The following CCNYL1 variants were observed in gnomAD, a reference collection of about 807,000 sequenced individuals.
CCNYL1 encodes cyclin-Y-like protein 1.
A neutral mutation model predicts 44.2 loss-of-function variants in CCNYL1; 16 were observed. That is an observed-to-expected ratio of 0.36 (90% CI 0.25 to 0.55). The LOEUF is 0.55. CCNYL1 is among the 20% of genes least tolerant of loss of function. The probability of loss-of-function intolerance (pLI) is 0.85; values close to 1 mark genes in which losing one functional copy is unlikely to be tolerated. For missense variants in CCNYL1, 348 were observed against 451.8 expected (o/e 0.77, Z 2.08); for synonymous variants, 159 against 163.2 (o/e 0.97, Z 0.20).
In CCNYL1 at chr2:207,753,976, T is replaced by C. The variant is rs2091913380; in HGVS notation, c.*278T>C. On this transcript the variant is annotated 3_prime_UTR_variant, in exon 10 of 10. Coordinates refer to ENST00000295414, the MANE Select transcript of CCNYL1 (RefSeq NM_001330218.2). Reference sequence around the variant, plus strand: ...ATCCTACACACAGATATTTGCTTACTGTGTGGGCCGATAGCTGTGAACTAT... The same window carrying C: ...ATCCTACACACAGATATTTGCTTACCGTGTGGGCCGATAGCTGTGAACTAT... 1 of 312,642 alleles carries C rather than the reference T, an allele frequency of 3.2e-6. No individual in the cohort carries two copies. 19.4% of individuals were successfully genotyped at this position (312,642 alleles called of 1,614,324 possible).
intron 1 of CCNYL1, chr2:207,714,799 C>T (rs1294793791): frequency 6.5e-6 from 1 of 154,468 alleles, no homozygotes; most frequent in East Asian, 1.9e-4. Flanking sequence ...TTGTGGCATT[C>T]AATAAAGTGA....
rs1372289476 is a variant in CCNYL1, at chr2:207,755,568, T to G, written c.*1870T>G. The G allele has an allele frequency of 6.6e-6, 1 of 152,240 alleles. No individual in the cohort carries two copies. The highest frequency in any genetic ancestry group is 2.4e-5 in the African/African-American group (1 of 41,476). The allele number at this position is 152,240 out of a possible 1,614,324, so 9.4% of individuals were successfully genotyped here. A position where few individuals can be genotyped will look rare whatever the true frequency, so the allele number is the denominator to read the frequency against. On this transcript the variant is annotated 3_prime_UTR_variant, in exon 10 of 10. Coordinates refer to ENST00000295414, the MANE Select transcript of CCNYL1 (RefSeq NM_001330218.2). ...TATATGCTTTGATTACCGCAGTTTC[T>G]TTAAAGGAAGATTTTGAAGAGCAGT...
At chr2:207,723,678 C>T (rs1347133257) in intron 1 of CCNYL1, among the ~76,000 whole-genome samples, 5 of 151,882 alleles carry the variant, frequency 3.3e-5, no homozygotes, top group Non-Finnish European at 7.4e-5. Flanking sequence ...GAGTTTGAGA[C>T]GAGCCTGGCC....
chr2:207,737,518 C>G, intron 5 of CCNYL1, 72 bp downstream of exon 5: 1 of 1,230,426 alleles, frequency 8.1e-7, no homozygotes, highest in Non-Finnish European at 1.2e-6. Context: ...AGTATTAGGT[C>G]ATAACTATAG....
At chr2:207,717,252 G>T (rs2091604206) in intron 1 of CCNYL1, among the ~76,000 whole-genome samples, 1 of 152,032 alleles carries the variant, frequency 6.6e-6, no homozygotes, top group South Asian at 2.1e-4. Context: ...CACTTTAAAA[G>T]ATTTGATGCT....
At chr2:207,714,500 T>A (rs760879503) in intron 1 of CCNYL1, 1 of 313,794 alleles carries the variant, frequency 3.2e-6, no homozygotes, top group Non-Finnish European at 6.2e-6. Flanking sequence ...TGGATAAGAA[T>A]AAAAGTAGAG....
intron 1 of CCNYL1, among the ~76,000 whole-genome samples, chr2:207,717,025 T>G (rs934565530): frequency 1.4e-4 from 21 of 149,458 alleles, no homozygotes; most frequent in African/African-American, 5.0e-4. Flanking sequence ...AGGAGAATGG[T>G]GTGAACCCAG....
chr2:207,753,045 A>T (rs907715841), intron 9 of CCNYL1, among the ~76,000 whole-genome samples: 1 of 152,014 alleles, frequency 6.6e-6, no homozygotes, highest in African/African-American at 2.4e-5. Flanking sequence ...AAAAAGAAAA[A>T]AATAATAATA....
intron 1 of CCNYL1, among the ~76,000 whole-genome samples, chr2:207,719,868 A>G (rs2091626630): frequency 6.6e-6 from 1 of 152,018 alleles, no homozygotes; most frequent in African/African-American, 2.4e-5. Context: ...AGCTGGGACT[A>G]AGAGTTTTCC....
chr2:207,711,944 G>C lies in CCNYL1; in HGVS notation c.48G>C (p.Lys16Asn). 1 of 1,401,018 alleles carries C rather than the reference G, an allele frequency of 7.1e-7. No homozygotes were observed. The highest frequency in any genetic ancestry group is 1.6e-5 in the South Asian group (1 of 64,502). 86.8% of individuals were successfully genotyped at this position (1,401,018 alleles called of 1,614,324 possible). Residue 16 changes from lysine to asparagine, a missense_variant, in exon 1 of 10, where the codon AAG (lysine) becomes AAC (asparagine). Physicochemically the swap from Lys to Asn is moderately conservative, Grantham distance 94. Transcript: ENST00000295414. Reference sequence around the variant, plus strand: ...GCGTGTCCCCCAATGCCAGCCCCAAGCTGGGCCGGCGCGCGGGGTCGGCGG... The same window carrying C: ...GCGTGTCCCCCAATGCCAGCCCCAACCTGGGCCGGCGCGCGGGGTCGGCGG... ...TCCVSPNASP[K>N]LGRRAGSAEL...
chr2:207,720,298 C>G (rs559011072), intron 1 of CCNYL1, among the ~76,000 whole-genome samples: 5 of 151,480 alleles, frequency 3.3e-5, no homozygotes, highest in African/African-American at 1.2e-4. Context: ...TTGGATACTG[C>G]CTTTTTTCCA....
intron 8 of CCNYL1, among the ~76,000 whole-genome samples, chr2:207,747,487 T>A (rs1428214293): frequency 6.8e-6 from 1 of 147,370 alleles, no homozygotes; most frequent in African/African-American, 2.6e-5. Context: ...TTTGGGTGGT[T>A]TTTGGCAAAA....
intron 7 of CCNYL1, 72 bp from the exon 8 acceptor site, chr2:207,746,975 C>CA (rs74269714): frequency 0.093 from 91,182 of 979,210 alleles, 224 homozygotes; most frequent in African/African-American, 0.16. Flanking sequence ...AACTCCGTCT[C>CA]AAAAAAAAAA....
chr2:207,712,020 G>C lies in CCNYL1; in HGVS notation c.124G>C (p.Ala42Pro). The C allele has an allele frequency of 1.3e-6, 2 of 1,494,334 alleles. No individual in the cohort carries two copies. The highest frequency in any genetic ancestry group is 1.8e-6 in the Non-Finnish European group (2 of 1,121,472). 92.6% of individuals were successfully genotyped at this position (1,494,334 alleles called of 1,614,324 possible). Residue 42 changes from alanine (A) to proline (P), a missense_variant, in exon 1 of 10, where the codon GCG becomes CCG. Physicochemically the swap from Ala to Pro is conservative, Grantham distance 27. This residue lies in a region of CCNYL1 where 209 missense variants were observed against 247.7 expected (regional missense o/e 0.84). Transcript: ENST00000295414. ...CGAGGCGGTGTCCGGGGACGCGGTG[G>C]CGGTAGCGCCCGCTGTGGTGGAGCC... The part of the protein sequence containing the change: ...IYEAVSGDAV[A>P]VAPAVVEPAE...
intron 9 of CCNYL1, among the ~76,000 whole-genome samples, 162 bp from the exon 10 acceptor site, chr2:207,753,426 A>T (rs1430824139): frequency 6.6e-6 from 1 of 152,248 alleles, no homozygotes; most frequent in Non-Finnish European, 1.5e-5. Flanking sequence ...ACTGTCAGGA[A>T]GTAGTGTCCC....
chr2:207,743,546 T>C (rs1195408854), intron 7 of CCNYL1, among the ~76,000 whole-genome samples: 1 of 152,124 alleles, frequency 6.6e-6, no homozygotes, highest in African/African-American at 2.4e-5. Flanking sequence ...GTGCAGTAGT[T>C]TGAGTCCAGC....
At chr2:207,751,967 G>A (rs13400367) in intron 9 of CCNYL1, among the ~76,000 whole-genome samples, 23,457 of 151,786 alleles carry the variant, frequency 0.15, 2,961 homozygotes, top group East Asian at 0.38. Context: ...CCTGGGAGGC[G>A]GAGGTTGCAG....
chr2:207,732,694 C>G (rs908312479), intron 3 of CCNYL1, among the ~76,000 whole-genome samples: 24 of 141,442 alleles, frequency 1.7e-4, no homozygotes, highest in Non-Finnish European at 3.6e-4. Flanking sequence ...GGTTACTGAC[C>G]TTCTTAACAT....
At chr2:207,751,145 G>A in intron 9 of CCNYL1, 26 bp downstream of exon 9, 1 of 1,593,570 alleles carries the variant, frequency 6.3e-7, no homozygotes. Flanking sequence ...CACTAAGTGA[G>A]GTTTTCCATC....
Sources: gnomAD v4.1 joint callset for allele counts (sites outside exome capture counted in the v4.1 genomes callset) on GRCh38, gnomAD v4.1.1 for gene constraint, gnomAD v4.1.1 regional missense constraint, MANE v1.5 for transcripts, NCBI Gene and HGNC (gene_info 2026-07-23, HGNC 2026-07-21) for gene names.